The following GRHL2 variants were observed in gnomAD, a reference collection of about 807,000 sequenced individuals.
GRHL2 encodes the protein grainyhead-like protein 2 homolog.
In GRHL2, 21 loss-of-function variants were observed where a neutral mutation model predicts 83.8. The ratio of observed to expected loss-of-function variants is 0.25; its 90% CI spans 0.18 to 0.36. The LOEUF is 0.36. GRHL2 is among the 10% of genes least tolerant of loss of function. The pLI, the probability that GRHL2 is intolerant of heterozygous loss-of-function variation, is 1.00. For synonymous variants in GRHL2, 280 were observed against 278.9 expected, an observed-to-expected ratio of 1.00 and a Z score of -0.04; for missense variants, 623 against 781.8, an observed-to-expected ratio of 0.80 and a Z score of 2.42.
In GRHL2 at chr8:101,541,896, C is replaced by G. The variant is rs112358356; in HGVS notation, c.21-1345C>G. Among the ~76,000 whole-genome samples, 1,057 of 152,286 alleles carry G rather than the reference C, an allele frequency of 6.9e-3. 19 individuals are homozygous for G. Among genetic ancestry groups the G allele is most frequent in the African/African-American group, 0.023 (948 of 41,568 alleles). On this transcript the variant is annotated intron_variant, in intron 1 of 15. Coordinates refer to ENST00000646743, the MANE Select transcript of GRHL2 (RefSeq NM_024915.4). ...TGACTCCCACCCATTTCTGTTTCTA[C>G]TGTAAATTCCCCGTATAGACTCCCT...
Position 101,516,754 on chromosome 8 carries a change from A to G in GRHL2, c.20+23965A>G, listed in dbSNP as rs145684802. Reference sequence around the variant, plus strand: ...ATATGTCTCAGAAATAAATACTGCTATTTCTTGATCTATCATTTTACGTAT... The same window carrying G: ...ATATGTCTCAGAAATAAATACTGCTGTTTCTTGATCTATCATTTTACGTAT... On this transcript the variant is annotated intron_variant, in intron 1 of 15. Transcript: ENST00000646743. Among the ~76,000 whole-genome samples the G allele has an allele frequency of 3.3e-5, 5 of 152,238 alleles. No homozygotes were observed. In the East Asian group the frequency reaches 9.6e-4, roughly 29 times the overall value.
At chr8:101,637,496 C>A (rs1285735466) in intron 12 of GRHL2, among the ~76,000 whole-genome samples, 1 of 152,220 alleles carries the variant, frequency 6.6e-6, no homozygotes, top group Non-Finnish European at 1.5e-5. Flanking sequence ...GTCTCCACAT[C>A]CTGAATGTGG....
intron 1 of GRHL2, among the ~76,000 whole-genome samples, chr8:101,519,712 T>C (rs898047800): frequency 6.6e-5 from 10 of 152,158 alleles, no homozygotes; most frequent in African/African-American, 2.4e-4. Context: ...TAACCCTAAG[T>C]GTATTGCAAA....
At chr8:101,572,777 A>C (rs925442069) in intron 5 of GRHL2, among the ~76,000 whole-genome samples, 10 of 152,104 alleles carry the variant, frequency 6.6e-5, no homozygotes, top group South Asian at 4.1e-4. Flanking sequence ...AGTTGGGAAA[A>C]ATCAGTGTTT....
At chr8:101,580,221 TGATA>T (rs1812021835) in intron 7 of GRHL2, among the ~76,000 whole-genome samples, 1 of 152,180 alleles carries the variant, frequency 6.6e-6, no homozygotes, top group Non-Finnish European at 1.5e-5. Flanking sequence ...TGTGATATTT[TGATA>T]CAGGCATACA....
chr8:101,626,192 T>G (rs1175223335), intron 9 of GRHL2, among the ~76,000 whole-genome samples: 1 of 152,062 alleles, frequency 6.6e-6, no homozygotes, highest in Non-Finnish European at 1.5e-5. Flanking sequence ...ATACATTTTC[T>G]CATCACAGTC....
At chr8:101,529,787 C>T (rs1443689575) in intron 1 of GRHL2, among the ~76,000 whole-genome samples, 1 of 152,150 alleles carries the variant, frequency 6.6e-6, no homozygotes, top group Non-Finnish European at 1.5e-5. Flanking sequence ...CCTTTCAGCC[C>T]TGGCAGGGGG....
At chr8:101,646,252 TAG>T (rs1813508875) in intron 13 of GRHL2, among the ~76,000 whole-genome samples, 1 of 152,188 alleles carries the variant, frequency 6.6e-6, no homozygotes, top group Non-Finnish European at 1.5e-5. Context: ...GGCTTTTCTA[TAG>T]AGTCAGGGCA....
At chr8:101,661,810 G>GTT (rs1813928763) in intron 14 of GRHL2, among the ~76,000 whole-genome samples, 1 of 152,174 alleles carries the variant, frequency 6.6e-6, no homozygotes, top group Non-Finnish European at 1.5e-5. Flanking sequence ...CCTGTAGTCT[G>GTT]TAAGAGTTCC....
At chr8:101,640,039 G>A (rs117546914) in intron 12 of GRHL2, among the ~76,000 whole-genome samples, 523 of 152,350 alleles carry the variant, frequency 3.4e-3, no homozygotes, top group Non-Finnish European at 5.3e-3. Flanking sequence ...CAGTCTGGTA[G>A]GCAGGGGATA....
intron 4 of GRHL2, among the ~76,000 whole-genome samples, chr8:101,560,593 T>C (rs1811589172): frequency 6.6e-6 from 1 of 152,236 alleles, no homozygotes; most frequent in African/African-American, 2.4e-5. Context: ...CACACGGTGC[T>C]TCAAAGTGGC....
At position 101,652,532 on chromosome 8, in the gene GRHL2, G is replaced by GGT. The variant is rs1491361262; in HGVS notation, c.1698+3047_1698+3048dup. On this transcript the variant is annotated intron_variant, in intron 14 of 15. Coordinates refer to ENST00000646743, the MANE Select transcript of GRHL2 (RefSeq NM_024915.4). ...TGTGGTGTGTGTGTGGTGTGTGTGTGGTGTGTGTGTGTGTGGTGTGTATGT... is the reference window on the plus strand; with the variant it reads ...TGTGGTGTGTGTGTGGTGTGTGTGTGGTGTGTGTGTGTGTGTGGTGTGTATGT... Among the ~76,000 whole-genome samples the GGT allele has an allele frequency of 6.3e-5, 5 of 79,704 alleles. 1 individual carries two copies. The highest frequency in any genetic ancestry group is 1.1e-4 in the Non-Finnish European group (5 of 43,804). The allele number at this position is 79,704 out of a possible 152,430, so 52.3% of individuals were successfully genotyped here. A position where few individuals can be genotyped will look rare whatever the true frequency, so the allele number is the denominator to read the frequency against.
chr8:101,510,274 G>A (rs916763736), intron 1 of GRHL2, among the ~76,000 whole-genome samples: 4 of 152,140 alleles, frequency 2.6e-5, no homozygotes, highest in Admixed American at 2.6e-4. Context: ...TGGGATTACA[G>A]GCATGAGCCA....
intron 12 of GRHL2, among the ~76,000 whole-genome samples, chr8:101,637,464 G>A (rs1157889255): frequency 6.6e-6 from 1 of 152,224 alleles, no homozygotes; most frequent in Non-Finnish European, 1.5e-5. Context: ...GTAGGTAAGA[G>A]ACAGTCACAG....
chr8:101,649,524 T>A (rs1346895424), intron 14 of GRHL2, 25 bp downstream of exon 14: 2 of 1,566,508 alleles, frequency 1.3e-6, no homozygotes, highest in Admixed American at 1.7e-5. Flanking sequence ...CCTTTCAGCC[T>A]CCAGGAAACC....
At chr8:101,564,588 T>C (rs13251144) in intron 4 of GRHL2, among the ~76,000 whole-genome samples, 7 of 152,032 alleles carry the variant, frequency 4.6e-5, no homozygotes, top group Admixed American at 6.6e-5. Flanking sequence ...GGAGGATCAT[T>C]TGAGCCCATG....
At chr8:101,677,413 G>A in the GRHL2 span, among the ~76,000 whole-genome samples, 3 of 151,468 alleles carry the variant, frequency 2.0e-5, no homozygotes, top group Admixed American at 6.6e-5. Flanking sequence ...TAATAACCCC[G>A]ACCATCTCCA....
chr8:101,520,744 T>G (rs902900699), intron 1 of GRHL2, among the ~76,000 whole-genome samples: 1 of 152,190 alleles, frequency 6.6e-6, no homozygotes. Flanking sequence ...TGCTTATCTC[T>G]TAAGTTTCAT....
chr8:101,643,979 C>T lies in GRHL2; in HGVS notation c.1518-152C>T. 3 of 704,456 alleles carry T rather than the reference C, an allele frequency of 4.3e-6. No homozygotes were observed. The South Asian group carries it at 4.6e-5, about 11-fold the overall frequency. The allele number at this position is 704,456 out of a possible 1,614,324, so 43.6% of individuals were successfully genotyped here. ...GCTTCAGACAGGGATTGCTTGGGAC[C>T]TGCAAGGGGAAGAAGGAGGTTGGTG... On this transcript the variant is annotated intron_variant, in intron 12 of 15. Coordinates refer to ENST00000646743, the MANE Select transcript of GRHL2 (RefSeq NM_024915.4).
Sources: allele counts gnomAD v4.1 joint callset (sites outside exome capture counted in the v4.1 genomes callset), GRCh38; gene constraint gnomAD v4.1.1; transcripts MANE v1.5; gene names NCBI Gene and HGNC (gene_info 2026-07-23, HGNC 2026-07-21).